The following SGMS1 variants were observed in gnomAD, a reference collection of about 807,000 sequenced individuals.
The protein encoded by SGMS1 is phosphatidylcholine:ceramide cholinephosphotransferase 1.
SGMS1 carries 13 observed loss-of-function variants against 46.2 expected under a neutral mutation model. The observed-to-expected ratio is 0.28, with a 90% CI of 0.18 to 0.45. SGMS1 has a LOEUF of 0.45. SGMS1 is among the 20% of genes least tolerant of loss of function. The probability of loss-of-function intolerance (pLI) is 1.00; values close to 1 mark genes in which losing one functional copy is unlikely to be tolerated. For missense variants in SGMS1, 324 were observed against 519.9 expected, an observed-to-expected ratio of 0.62 and a Z score of 3.66; for synonymous variants, 203 against 187.8, an observed-to-expected ratio of 1.08 and a Z score of -0.66.
At chr10:50,465,045 C>T (rs1837313260) in intron 4 of SGMS1, among the ~76,000 whole-genome samples, 2 of 152,142 alleles carry the variant, frequency 1.3e-5, no homozygotes. Flanking sequence ...GGCTCCCTTC[C>T]TCCTCACTCC....
intron 2 of SGMS1, among the ~76,000 whole-genome samples, chr10:50,554,650 CA>C (rs1838175928): frequency 6.6e-6 from 1 of 152,086 alleles, no homozygotes; most frequent in African/African-American, 2.4e-5. Flanking sequence ...GGCCCCACCA[CA>C]GCTCATCTAA....
intron 2 of SGMS1, among the ~76,000 whole-genome samples, chr10:50,538,436 C>A (rs1478363256): frequency 7.5e-6 from 1 of 133,004 alleles, no homozygotes; most frequent in Non-Finnish European, 1.5e-5. Context: ...ACAGCCTGGG[C>A]TACTGAGTGA....
chr10:50,353,995 C>T (rs1428843580), intron 6 of SGMS1, among the ~76,000 whole-genome samples: 5 of 152,006 alleles, frequency 3.3e-5, no homozygotes, highest in South Asian at 2.1e-4. Flanking sequence ...GAATCAACAT[C>T]GTGAAAATGG....
chr10:50,623,134 C>G (rs917431170), intron 1 of SGMS1, among the ~76,000 whole-genome samples: 1 of 151,906 alleles, frequency 6.6e-6, no homozygotes, highest in Non-Finnish European at 1.5e-5. Context: ...GAGGGGGGGT[C>G]CCACCTGTTT....
intron 3 of SGMS1, among the ~76,000 whole-genome samples, chr10:50,500,683 C>G (rs1052129712): frequency 6.6e-6 from 1 of 152,168 alleles, no homozygotes; most frequent in African/African-American, 2.4e-5. Flanking sequence ...GAGAAATATT[C>G]ATGTGAAATA....
chr10:50,392,473 G>A (rs1407273159), intron 6 of SGMS1, among the ~76,000 whole-genome samples: 3 of 152,154 alleles, frequency 2.0e-5, no homozygotes, highest in Non-Finnish European at 4.4e-5. Flanking sequence ...AAGGTCGCGA[G>A]GTAGCAGTGA....
chr10:50,573,565 T>G (rs1334637505), intron 2 of SGMS1, among the ~76,000 whole-genome samples: 1 of 152,208 alleles, frequency 6.6e-6, no homozygotes, highest in Non-Finnish European at 1.5e-5. Context: ...GAAGAATTAA[T>G]ATTGCTAAAA....
At chr10:50,529,258 G>C (rs371431765) in intron 2 of SGMS1, among the ~76,000 whole-genome samples, 73 of 152,274 alleles carry the variant, frequency 4.8e-4, no homozygotes, top group African/African-American at 1.7e-3. Context: ...TAAGAAAAAA[G>C]AAGGCAGCAA....
chr10:50,429,106 A>G (rs192653343), intron 6 of SGMS1, among the ~76,000 whole-genome samples: 92 of 152,318 alleles, frequency 6.0e-4, no homozygotes, highest in African/African-American at 2.2e-3. Context: ...CTTTTGCACC[A>G]TCATGAAGTC....
intron 1 of SGMS1, among the ~76,000 whole-genome samples, chr10:50,607,388 A>G (rs1386485675): frequency 6.6e-6 from 1 of 152,168 alleles, no homozygotes; most frequent in Non-Finnish European, 1.5e-5. Context: ...AAAGCAGTCA[A>G]TTGTTGAAAA....
intron 2 of SGMS1, among the ~76,000 whole-genome samples, chr10:50,521,677 T>C (rs913870097): frequency 6.6e-6 from 1 of 152,190 alleles, no homozygotes; most frequent in African/African-American, 2.4e-5. Flanking sequence ...TTTATATTAA[T>C]AGAACATCTC....
chr10:50,515,977 T>C (rs1837802507), intron 3 of SGMS1, among the ~76,000 whole-genome samples: 1 of 152,192 alleles, frequency 6.6e-6, no homozygotes, highest in African/African-American at 2.4e-5. Context: ...GTCTTTCCTA[T>C]AATTAGACTA....
chr10:50,356,515 AC>A (rs1324655641), intron 6 of SGMS1, among the ~76,000 whole-genome samples: 1 of 151,892 alleles, frequency 6.6e-6, no homozygotes, highest in Non-Finnish European at 1.5e-5. Flanking sequence ...TTGTCCTATG[AC>A]CCTGCCAAAT....
intron 6 of SGMS1, among the ~76,000 whole-genome samples, chr10:50,366,501 C>A (rs139052846): frequency 0.015 from 2,264 of 152,196 alleles, 60 homozygotes; most frequent in African/African-American, 0.051. Flanking sequence ...CACATGCACA[C>A]GTATGTTTAT....
intron 6 of SGMS1, among the ~76,000 whole-genome samples, chr10:50,431,931 CA>C (rs1297671145): frequency 2.6e-5 from 4 of 152,186 alleles, no homozygotes; most frequent in Admixed American, 6.5e-5. Context: ...GAAGCTGAGT[CA>C]ACAACTCAAG....
At chr10:50,472,413 C>T (rs1837386372) in intron 3 of SGMS1, among the ~76,000 whole-genome samples, 1 of 152,130 alleles carries the variant, frequency 6.6e-6, no homozygotes, top group African/African-American at 2.4e-5. Flanking sequence ...TTTGACTTTT[C>T]AAGAATCTAC....
chr10:50,535,493 G>A (rs1837992575), intron 2 of SGMS1, among the ~76,000 whole-genome samples: 1 of 151,964 alleles, frequency 6.6e-6, no homozygotes, highest in Non-Finnish European at 1.5e-5. Context: ...AGCTTCTCAA[G>A]TAGCTGGGAT....
chr10:50,359,821 G>T (rs1161962830), intron 6 of SGMS1, among the ~76,000 whole-genome samples: 2 of 151,898 alleles, frequency 1.3e-5, no homozygotes, highest in Non-Finnish European at 2.9e-5. Context: ...TTATAGCTTT[G>T]TCACATAAAC....
intron 2 of SGMS1, among the ~76,000 whole-genome samples, chr10:50,571,369 A>G (rs1225053666): frequency 6.6e-6 from 1 of 152,254 alleles, no homozygotes; most frequent in Admixed American, 6.5e-5. Context: ...TGCAATGGTC[A>G]TTAAGAAAAG....
Sources: allele counts gnomAD v4.1 joint callset (sites outside exome capture counted in the v4.1 genomes callset), GRCh38; gene constraint gnomAD v4.1.1; transcripts MANE v1.5; gene names NCBI Gene and HGNC (gene_info 2026-07-23, HGNC 2026-07-21).